The following CCNY variants were observed in gnomAD, a reference collection of about 807,000 sequenced individuals.
CCNY encodes the protein cyclin Y.
Under a neutral mutation model 42.8 loss-of-function variants are expected in CCNY, and 19 were observed. The ratio of observed to expected loss-of-function variants is 0.44; its 90% CI spans 0.31 to 0.65. The LOEUF (loss-of-function observed/expected upper bound fraction) is 0.65. Ranked by LOEUF, CCNY falls within the 30% of genes least tolerant of loss-of-function variation. The pLI is 0.07. For synonymous variants in CCNY, 165 were observed against 162.7 expected, an observed-to-expected ratio of 1.01 and a Z score of -0.11; for missense variants, 370 against 437.3, an observed-to-expected ratio of 0.85 and a Z score of 1.37.
At position 35,569,311 on chromosome 10, in the gene CCNY, C is replaced by T. The variant is rs1419510861; in HGVS notation, c.*141C>T. On this transcript the variant is annotated 3_prime_UTR_variant, in exon 10 of 10. Coordinates refer to ENST00000374704, the MANE Select transcript of CCNY (RefSeq NM_145012.6). ...AGCTCCGTCAAGCTGCCTGGATGAGCGCCCATGCAGCAAGGCTTGGAGGAA... is the reference window on the plus strand; with the variant it reads ...AGCTCCGTCAAGCTGCCTGGATGAGTGCCCATGCAGCAAGGCTTGGAGGAA... The T allele has an allele frequency of 1.7e-5, 11 of 636,298 alleles. No homozygotes were observed. The highest frequency in any genetic ancestry group is 1.1e-4 in the East Asian group (4 of 36,806). The allele number at this position is 636,298 out of a possible 1,614,324, so 39.4% of individuals were successfully genotyped here.
intron 7 of CCNY, among the ~76,000 whole-genome samples, chr10:35,549,039 G>A (rs941211863): frequency 6.6e-6 from 1 of 151,900 alleles, no homozygotes; most frequent in Non-Finnish European, 1.5e-5. Context: ...GAAACCATTA[G>A]TCATGGATGT....
chr10:35,406,871 C>CG (rs891408645), intron 1 of CCNY, among the ~76,000 whole-genome samples: 1 of 151,838 alleles, frequency 6.6e-6, no homozygotes, highest in African/African-American at 2.4e-5. Context: ...GACCCCCCCC[C>CG]ACCTCCGTCC....
chr10:35,351,901 T>C (rs1455490271), intron 1 of CCNY, among the ~76,000 whole-genome samples: 2 of 152,130 alleles, frequency 1.3e-5, no homozygotes, highest in Non-Finnish European at 1.5e-5. Flanking sequence ...AAAGAGCCAT[T>C]TATTATACAC....
intron 2 of CCNY, among the ~76,000 whole-genome samples, chr10:35,490,499 G>A (rs938213482): frequency 2.0e-5 from 3 of 152,162 alleles, no homozygotes; most frequent in Non-Finnish European, 2.9e-5. Context: ...AGCAGTCTGC[G>A]GTCCACTGCA....
At chr10:35,391,840 C>T (rs558597570) in intron 1 of CCNY, among the ~76,000 whole-genome samples, 3 of 152,122 alleles carry the variant, frequency 2.0e-5, no homozygotes, top group Admixed American at 6.5e-5. Context: ...TCCTACTCCC[C>T]GCTCTGCTAC....
At chr10:35,392,617 T>G (rs1837438147) in intron 1 of CCNY, among the ~76,000 whole-genome samples, 1 of 152,128 alleles carries the variant, frequency 6.6e-6, no homozygotes, top group South Asian at 2.1e-4. Context: ...GGAAGTGAAG[T>G]GTGGGATGTG....
intron 3 of CCNY, among the ~76,000 whole-genome samples, chr10:35,262,604 C>T (rs1485325161): frequency 2.6e-5 from 4 of 152,052 alleles, no homozygotes; most frequent in Non-Finnish European, 5.9e-5. Context: ...TCATGTGATG[C>T]ATCCACTTCG....
At chr10:35,453,615 T>C (rs895495148) in intron 1 of CCNY, among the ~76,000 whole-genome samples, 1 of 152,238 alleles carries the variant, frequency 6.6e-6, no homozygotes, top group Non-Finnish European at 1.5e-5. Context: ...AAGCTGCTTA[T>C]TGGATATCTA....
chr10:35,327,746 T>C (rs1338047490), intron 3 of CCNY: 2 of 152,254 alleles, frequency 1.3e-5, no homozygotes, highest in East Asian at 3.8e-4. Flanking sequence ...GTTGAGGCAG[T>C]GGGGGTGAGA....
chr10:35,379,163 T>C (rs909451695), intron 1 of CCNY, among the ~76,000 whole-genome samples: 3 of 152,188 alleles, frequency 2.0e-5, no homozygotes, highest in Non-Finnish European at 2.9e-5. Flanking sequence ...ATTATTCACA[T>C]AGTAAAGCTT....
At chr10:35,421,575 G>A (rs1230729963) in intron 1 of CCNY, among the ~76,000 whole-genome samples, 4 of 152,112 alleles carry the variant, frequency 2.6e-5, no homozygotes, top group African/African-American at 4.8e-5. Context: ...TAGAAGCGTC[G>A]GGTGGCTTTT....
intron 3 of CCNY, among the ~76,000 whole-genome samples, chr10:35,255,833 G>T (rs532722304): frequency 6.6e-6 from 1 of 152,114 alleles, no homozygotes; most frequent in East Asian, 1.9e-4. Flanking sequence ...GGGCTCAAGC[G>T]ATTTGACCAC....
intron 1 of CCNY, among the ~76,000 whole-genome samples, chr10:35,470,004 A>ATGGAGAGACAGACAGGGAGATAGGGCAG (rs1421630992): frequency 7.0e-6 from 1 of 143,234 alleles, no homozygotes. Context: ...AGACAGGGAG[A>ATGGAGAGACAGACAGGGAGATAGGGCAG]TGGAGAGACA....
intron 3 of CCNY, chr10:35,320,791 T>C (rs1835812296): frequency 6.6e-6 from 1 of 152,180 alleles, no homozygotes; most frequent in Non-Finnish European, 1.5e-5. Flanking sequence ...AAATATTTTC[T>C]GCATACTAGC....
chr10:35,394,856 CG>C (rs1449739179), intron 1 of CCNY: 33 of 984,956 alleles, frequency 3.4e-5, no homozygotes, highest in Non-Finnish European at 3.6e-5. Flanking sequence ...TGTTTCATCA[CG>C]GGCCCTCTCC....
At chr10:35,464,416 A>G (rs1406161234) in intron 1 of CCNY, among the ~76,000 whole-genome samples, 4 of 152,078 alleles carry the variant, frequency 2.6e-5, no homozygotes, top group Non-Finnish European at 4.4e-5. Flanking sequence ...GTGCGGTCAT[A>G]ATGGTGTTTT....
chr10:35,303,803 GGGAAGGAA>G (rs1156638499), intron 3 of CCNY, among the ~76,000 whole-genome samples: 2 of 142,604 alleles, frequency 1.4e-5, no homozygotes, highest in African/African-American at 2.6e-5. Flanking sequence ...AAAAAAAAGA[GGGAAGGAA>G]GGAAGGAAGG....
chr10:35,477,824 A>T (rs371268478), intron 1 of CCNY, among the ~76,000 whole-genome samples: 1 of 151,990 alleles, frequency 6.6e-6, no homozygotes, highest in African/African-American at 2.4e-5. Flanking sequence ...AGGGTATTCA[A>T]TTAGGAAAAG....
chr10:35,286,653 GC>G (rs1205237752), intron 3 of CCNY, among the ~76,000 whole-genome samples: 1 of 141,160 alleles, frequency 7.1e-6, no homozygotes, highest in African/African-American at 2.7e-5. Context: ...ACCGTGCCCA[GC>G]CTTTTTTTTT....
Sources: gnomAD v4.1 joint callset for allele counts (sites outside exome capture counted in the v4.1 genomes callset) on GRCh38, gnomAD v4.1.1 for gene constraint, MANE v1.5 for transcripts, NCBI Gene and HGNC (gene_info 2026-07-23, HGNC 2026-07-21) for gene names.